LRP1B: variants seen among roughly 807,000 people sequenced by gnomAD.
The protein encoded by LRP1B is LDL receptor related protein 1B, also known as low-density lipoprotein receptor-related protein 1B.
Under a neutral mutation model 556.6 loss-of-function variants are expected in LRP1B, and 217 were observed. The observed-to-expected ratio is 0.39, with a 90% CI of 0.35 to 0.44. The LOEUF (loss-of-function observed/expected upper bound fraction) is 0.44, where lower values mean the gene tolerates loss of function less well. LRP1B is among the 20% of genes least tolerant of loss of function. The pLI, the probability that LRP1B is intolerant of heterozygous loss-of-function variation, is 1.00. For missense variants in LRP1B, 5,053 were observed against 5,620.8 expected, an observed-to-expected ratio of 0.90 and a Z score of 3.23; for synonymous variants, 2,047 against 1,865.8, an observed-to-expected ratio of 1.10 and a Z score of -2.50.
At chr2:141,466,476 G>A (rs75291188) in intron 3 of LRP1B, among the ~76,000 whole-genome samples, 1,883 of 152,244 alleles carry the variant, frequency 0.012, 34 homozygotes, top group African/African-American at 0.042. Context: ...TTACCCTCTT[G>A]AAAAGATACA....
At chr2:140,732,376 G>A (rs1049685520) in intron 35 of LRP1B, among the ~76,000 whole-genome samples, 11 of 151,832 alleles carry the variant, frequency 7.2e-5, no homozygotes, top group African/African-American at 2.7e-4. Flanking sequence ...TACCCATGCA[G>A]GAAATGAAAA....
intron 18 of LRP1B, among the ~76,000 whole-genome samples, chr2:140,981,073 T>C (rs548242912): frequency 1.3e-5 from 2 of 151,340 alleles, no homozygotes; most frequent in South Asian, 4.2e-4. Context: ...AATGATGTAA[T>C]AGACTGTGGG....
At chr2:141,577,424 T>C (rs1469604378) in intron 2 of LRP1B, among the ~76,000 whole-genome samples, 2 of 152,200 alleles carry the variant, frequency 1.3e-5, no homozygotes, top group South Asian at 2.1e-4. Flanking sequence ...CAGTTTTAAA[T>C]AAATATCTCA....
intron 15 of LRP1B, among the ~76,000 whole-genome samples, chr2:141,003,897 A>G (rs1697496105): frequency 6.6e-6 from 1 of 152,052 alleles, no homozygotes; most frequent in South Asian, 2.1e-4. Flanking sequence ...GTAAAAATAA[A>G]TGCCAATGAT....
intron 11 of LRP1B, among the ~76,000 whole-genome samples, chr2:141,035,090 A>G (rs1318266374): frequency 6.6e-6 from 1 of 152,036 alleles, no homozygotes; most frequent in African/African-American, 2.4e-5. Context: ...CATCATTCTC[A>G]GCAAACTATC....
intron 2 of LRP1B, among the ~76,000 whole-genome samples, chr2:141,696,661 T>G (rs1318427354): frequency 6.6e-6 from 1 of 151,944 alleles, no homozygotes; most frequent in East Asian, 1.9e-4. Context: ...TAAGATATAA[T>G]ACATCAATTT....
intron 62 of LRP1B, among the ~76,000 whole-genome samples, chr2:140,452,332 T>C (rs939766993): frequency 6.6e-6 from 1 of 152,158 alleles, no homozygotes; most frequent in Non-Finnish European, 1.5e-5. Context: ...AAATCTCACT[T>C]TCCATACAGA....
intron 27 of LRP1B, among the ~76,000 whole-genome samples, chr2:140,863,968 ATG>A (rs1162571060): frequency 2.0e-5 from 3 of 151,782 alleles, no homozygotes; most frequent in Non-Finnish European, 4.4e-5. Context: ...AGAGGAATAT[ATG>A]TGCATTTAAT....
In LRP1B at chr2:142,058,543, GT is replaced by G. The variant is rs1248651127; in HGVS notation, c.82+72104del. Among the ~76,000 whole-genome samples the G allele has an allele frequency of 1.3e-5, 2 of 151,972 alleles. 1 individual carries two copies. The highest frequency in any genetic ancestry group is 1.3e-4 in the Admixed American group (2 of 15,258). On this transcript the variant is annotated intron_variant, in intron 1 of 90. Transcript: ENST00000389484. ...AAAAACCTTCTCAAAACGTTATGAG[GT>G]TTTTTTTGCAATTTTTTTAGCTTAT... is the stretch of plus-strand genomic sequence containing the variant.
intron 7 of LRP1B, among the ~76,000 whole-genome samples, chr2:141,123,429 A>T (rs1701117764): frequency 6.6e-6 from 1 of 152,072 alleles, no homozygotes; most frequent in East Asian, 1.9e-4. Flanking sequence ...CACTATTTCA[A>T]ATGATTTATT....
In LRP1B at chr2:140,907,806, T is replaced by G. The variant is rs183578639; in HGVS notation, c.3520+71A>C. On this transcript the variant is annotated intron_variant, in intron 22 of 90. Coordinates refer to ENST00000389484, the MANE Select transcript of LRP1B (RefSeq NM_018557.3). ...AATGAAAGGAATGAATGCTACTATA[T>G]TAAGTAACAGCAACTGAACTAAAAG... 1.8e-4 allele frequency: 240 copies of G among 1,310,586 alleles called. 3 individuals carry two copies. The East Asian group carries it at 2.7e-3, about 15-fold the overall frequency. The allele number at this position is 1,310,586 out of a possible 1,614,324, so 81.2% of individuals were successfully genotyped here. A position where few individuals can be genotyped will look rare whatever the true frequency, so the allele number is the denominator to read the frequency against.
intron 3 of LRP1B, among the ~76,000 whole-genome samples, chr2:141,447,097 G>A (rs546824863): frequency 5.9e-5 from 9 of 151,958 alleles, no homozygotes; most frequent in Non-Finnish European, 1.3e-4. Context: ...TTTCTTGGGG[G>A]CTTTGTTTGT....
chr2:142,043,859 T>G (rs922576608), intron 1 of LRP1B, among the ~76,000 whole-genome samples: 1 of 151,708 alleles, frequency 6.6e-6, no homozygotes, highest in Non-Finnish European at 1.5e-5. Context: ...GAAACAGATG[T>G]GATTTAGACC....
chr2:141,690,635 C>T (rs1007401686), intron 2 of LRP1B, among the ~76,000 whole-genome samples: 4 of 150,582 alleles, frequency 2.7e-5, no homozygotes, highest in African/African-American at 7.3e-5. Context: ...AGGGATTCTG[C>T]TCTTATCTTT....
intron 3 of LRP1B, among the ~76,000 whole-genome samples, chr2:141,262,401 T>C (rs1174448702): frequency 6.6e-6 from 1 of 152,104 alleles, no homozygotes; most frequent in Admixed American, 6.6e-5. Flanking sequence ...ATTCTCTTAT[T>C]ACTGCTTTTC....
At chr2:141,690,807 C>A (rs546100041) in intron 2 of LRP1B, among the ~76,000 whole-genome samples, 13 of 151,736 alleles carry the variant, frequency 8.6e-5, no homozygotes, top group African/African-American at 2.9e-4. Context: ...TGATTCTGAG[C>A]TAATTTGCAT....
At chr2:140,405,137 G>C (rs2105235888) in intron 66 of LRP1B, among the ~76,000 whole-genome samples, 1 of 152,236 alleles carries the variant, frequency 6.6e-6, no homozygotes, top group East Asian at 1.9e-4. Flanking sequence ...ATGAAATCAA[G>C]ATGCAAATGA....
chr2:140,690,148 T>C lies in LRP1B; in HGVS notation c.6799+10102A>G, dbSNP rs79028375. Among the ~76,000 whole-genome samples, 3,200 of 152,040 alleles carry C rather than the reference T, an allele frequency of 0.021. 199 individuals are homozygous for C. In the East Asian group the frequency reaches 0.23, roughly 11 times the overall value. ...CTCTCAGACCTGAAAAAAAAACCTT[T>C]ATCACCAGAGAAGAAGAAAGCACCG... On this transcript the variant is annotated intron_variant, in intron 41 of 90. Transcript: ENST00000389484.
At chr2:140,550,453 T>C (rs16844234) in intron 43 of LRP1B, among the ~76,000 whole-genome samples, 5,164 of 152,198 alleles carry the variant, frequency 0.034, 117 homozygotes, top group African/African-American at 0.063. Flanking sequence ...GAAAGGAAAA[T>C]GTCTACCTTT....
Sources: gnomAD v4.1 joint callset for allele counts (sites outside exome capture counted in the v4.1 genomes callset) on GRCh38, gnomAD v4.1.1 for gene constraint, MANE v1.5 for transcripts, NCBI Gene and HGNC (gene_info 2026-07-23, HGNC 2026-07-21) for gene names.